PARP9: variants seen among roughly 807,000 people sequenced by gnomAD.
The protein encoded by PARP9 is protein mono-ADP-ribosyltransferase PARP9.
PARP9 carries 48 observed loss-of-function variants against 68.8 expected under a neutral mutation model. The ratio of observed to expected loss-of-function variants is 0.70; its 90% CI spans 0.55 to 0.89. PARP9 has a LOEUF of 0.89. Among genes scored for constraint, PARP9 ranks in the 40% least tolerant of loss-of-function variants. The pLI is 0.00. For synonymous variants in PARP9, 309 were observed against 333.8 expected, an observed-to-expected ratio of 0.93 and a Z score of 0.81; for missense variants, 806 against 969.3, an observed-to-expected ratio of 0.83 and a Z score of 2.24.
At chr3:122,550,851 C>A in intron 5 of PARP9, 49 bp from the exon 6 acceptor site, 1 of 1,490,650 alleles carries the variant, frequency 6.7e-7, no homozygotes, top group Non-Finnish European at 9.3e-7. Context: ...AAGAACAAGA[C>A]TCCACTTACC....
At chr3:122,562,955 C>T (rs1462152931) in intron 1 of PARP9, among the ~76,000 whole-genome samples, 1 of 152,150 alleles carries the variant, frequency 6.6e-6, no homozygotes, top group Non-Finnish European at 1.5e-5. Flanking sequence ...GGGACAAATT[C>T]CTAGAAATGG....
intron 1 of PARP9, among the ~76,000 whole-genome samples, chr3:122,559,947 T>C (rs1303175026): frequency 6.6e-6 from 1 of 152,218 alleles, no homozygotes; most frequent in African/African-American, 2.4e-5. Flanking sequence ...CTCTACGACC[T>C]GGAACAGGAA....
intron 7 of PARP9, 24 bp from the exon 8 acceptor site, chr3:122,540,876 C>T (rs778522108): frequency 6.4e-7 from 1 of 1,566,902 alleles, no homozygotes. Context: ...AATAAGCAAC[C>T]ATGGAAGACT....
intron 10 of PARP9, chr3:122,534,888 A>T (rs1309462925): frequency 3.2e-6 from 3 of 949,730 alleles, no homozygotes; most frequent in Non-Finnish European, 3.8e-6. Context: ...AAAAATAAAT[A>T]AATAAATAAA....
intron 1 of PARP9, among the ~76,000 whole-genome samples, chr3:122,560,065 A>C (rs1309985731): frequency 6.6e-6 from 1 of 152,238 alleles, no homozygotes; most frequent in Non-Finnish European, 1.5e-5. Flanking sequence ...TGAGAACAGC[A>C]TTCAAAGAAC....
chr3:122,552,040 C>T (rs548137705), intron 5 of PARP9, among the ~76,000 whole-genome samples: 2 of 152,152 alleles, frequency 1.3e-5, no homozygotes, highest in East Asian at 1.9e-4. Context: ...CTCAGCCTCC[C>T]GAGTAGCTGG....
intron 10 of PARP9, among the ~76,000 whole-genome samples, chr3:122,530,014 A>G (rs1258347403): frequency 6.6e-6 from 1 of 151,826 alleles, no homozygotes; most frequent in African/African-American, 2.4e-5. Flanking sequence ...CTATCCCCAC[A>G]AAGAATACAA....
intron 3 of PARP9, among the ~76,000 whole-genome samples, chr3:122,557,912 G>GAA (rs59970616): frequency 6.6e-6 from 1 of 150,766 alleles, no homozygotes; most frequent in East Asian, 1.9e-4. Flanking sequence ...GTTAAAATGT[G>GAA]AAAAAAAAAT....
At chr3:122,532,159 C>A (rs1334730605) in intron 10 of PARP9, 11 of 985,416 alleles carry the variant, frequency 1.1e-5, no homozygotes, top group Non-Finnish European at 1.2e-5. Context: ...AGGTGAGGAC[C>A]ACTACCCAAG....
At chr3:122,556,322 T>C (rs2079661636) in intron 3 of PARP9, among the ~76,000 whole-genome samples, 1 of 152,062 alleles carries the variant, frequency 6.6e-6, no homozygotes. Flanking sequence ...GAGTTTTCAG[T>C]GGTAGGTCAC....
chr3:122,550,692 T>C lies in PARP9; in HGVS notation c.1218A>G (p.Thr406=). ...CTTCATCAAACAAAATCTCTGCTGCTGTTTCCTTCTTTATTTCCATGTTTC... is the reference window on the plus strand; with the variant it reads ...CTTCATCAAACAAAATCTCTGCTGCCGTTTCCTTCTTTATTTCCATGTTTC... ...GTGNMEIKKE[T]AAEILFDEVL... Residue 406 remains threonine, a synonymous_variant, in exon 6 of 11, where the codon ACA becomes ACG. Coordinates refer to ENST00000682323, the MANE Select transcript of PARP9 (RefSeq NM_001146105.2). 6.2e-7 allele frequency: 1 copy of C among 1,614,168 alleles called. No individual in the cohort carries two copies. Among genetic ancestry groups the C allele is most frequent in the Non-Finnish European group, 8.5e-7 (1 of 1,179,998 alleles).
intron 6 of PARP9, chr3:122,545,705 A>G (rs1391437230): frequency 3.7e-6 from 2 of 541,598 alleles, no homozygotes; most frequent in Non-Finnish European, 6.5e-6. Context: ...AATGGAGATG[A>G]AATCAAAATC....
intron 4 of PARP9, among the ~76,000 whole-genome samples, chr3:122,553,218 TG>T (rs952395481): frequency 1.3e-4 from 20 of 152,324 alleles, no homozygotes; most frequent in African/African-American, 4.8e-4. Flanking sequence ...ACCCATCTTA[TG>T]TGCAACCAAG....
Position 122,555,415 on chromosome 3 carries a change from G to C in PARP9, c.756C>G (p.Ala252=), listed in dbSNP as rs1576433324. ...LVSNEDPTVA[A]FKAASEFILG... The stretch of plus-strand genomic sequence containing the variant: ...GGATGAATTCTGAAGCAGCTTTAAA[G>C]GCAGCAACAGTAGGGTCCTCATTGC... The change falls in exon 4 of 11, where the codon GCC becomes GCG. Residue 252 remains alanine, a synonymous_variant. Coordinates refer to ENST00000682323, the MANE Select transcript of PARP9 (RefSeq NM_001146105.2). The C allele has an allele frequency of 6.2e-7, 1 of 1,614,088 alleles. No individual in the cohort carries two copies.
At position 122,552,610 on chromosome 3, in the gene PARP9, T is replaced by G. The variant is rs778463648; in HGVS notation, c.915A>C (p.Pro305=). 9.3e-6 allele frequency: 15 copies of G among 1,613,220 alleles called. No individual in the cohort carries two copies. The highest frequency in any genetic ancestry group is 1.3e-5 in the Non-Finnish European group (15 of 1,179,332). ...TADVIVNSVN[P]HDITVGPVAK... is the part of the protein sequence containing the mutation. ...CCACAGGTCCAACTGTAATATCATG[T>G]GGGTTTACAGAATTAACAATTACAT... Residue 305 remains proline, a synonymous_variant, in exon 5 of 11, where the codon CCA becomes CCC. Coordinates refer to ENST00000682323, the MANE Select transcript of PARP9 (RefSeq NM_001146105.2).
chr3:122,556,141 TAAAAAAAAAAAAAAAAAAAA>T lies in PARP9; in HGVS notation c.50-40_50-21del, dbSNP rs745677021. 25 of 210,224 alleles carry T rather than the reference TAAAAAAAAAAAAAAAAAAAA, an allele frequency of 1.2e-4. 1 individual carries two copies. Among genetic ancestry groups the T allele is most frequent in the Admixed American group, 7.5e-4 (6 of 8,000 alleles). 13.0% of individuals were successfully genotyped at this position (210,224 alleles called of 1,614,324 possible). On this transcript the variant is annotated intron_variant, in intron 3 of 10. Coordinates refer to ENST00000682323, the MANE Select transcript of PARP9 (RefSeq NM_001146105.2). The stretch of plus-strand genomic sequence containing the variant: ...CAGTCTCTGGAAAAGAAGAGAAGAT[TAAAAAAAAAAAAAAAAAAAA>T]AAAAAAAAAAAAGCACAGTTTGAAA...
chr3:122,552,418 C>T lies in PARP9; in HGVS notation c.1107G>A (p.Gln369=), dbSNP rs2079283809. ...VLWHSEFPKP[Q]ILKHAMKECL... ...AAAGCCACATTTATTTTAAACTTACCTGAGGTTTAGGAAATTCTGAATGCC... is the reference window on the plus strand; with the variant it reads ...AAAGCCACATTTATTTTAAACTTACTTGAGGTTTAGGAAATTCTGAATGCC... Residue 369 remains glutamine (Q), a splice_region_variant and synonymous_variant, in exon 5 of 11, where the codon CAG becomes CAA. Transcript: ENST00000682323. 2.5e-6 allele frequency: 4 copies of T among 1,599,496 alleles called. No individual in the cohort carries two copies. In the East Asian group the frequency reaches 9.0e-5, roughly 36 times the overall value.
At position 122,528,804 on chromosome 3, in the gene PARP9, T is replaced by G. The variant is rs983029064; in HGVS notation, c.2081-61A>C. Reference sequence around the variant, plus strand: ...TAATCTGGTAAATGATATTGCCGATTTGGGTACTAATATCTATTCTTTCTT... The same window carrying G: ...TAATCTGGTAAATGATATTGCCGATGTGGGTACTAATATCTATTCTTTCTT... On this transcript the variant is annotated intron_variant, in intron 10 of 10. Coordinates refer to ENST00000682323, the MANE Select transcript of PARP9 (RefSeq NM_001146105.2). The G allele has an allele frequency of 1.1e-5, 15 of 1,395,860 alleles. No individual in the cohort carries two copies. The African/African-American group carries it at 2.2e-4, about 21-fold the overall frequency. The allele number at this position is 1,395,860 out of a possible 1,614,324, so 86.5% of individuals were successfully genotyped here.
intron 7 of PARP9, among the ~76,000 whole-genome samples, chr3:122,542,111 A>C (rs2078275083): frequency 6.6e-6 from 1 of 152,156 alleles, no homozygotes; most frequent in South Asian, 2.1e-4. Context: ...ATTATTTTTT[A>C]GGAGAAAATA....
Sources: allele counts gnomAD v4.1 joint callset (sites outside exome capture counted in the v4.1 genomes callset), GRCh38; gene constraint gnomAD v4.1.1; transcripts MANE v1.5; gene names NCBI Gene and HGNC (gene_info 2026-07-23, HGNC 2026-07-21).